NBDY: variants seen among roughly 807,000 people sequenced by gnomAD.
The protein encoded by NBDY is negative regulator of P-body association, also known as P-body dissociating protein.
chrX:56,786,569 C>G (rs970904650), intron 2 of NBDY, among the ~76,000 whole-genome samples: 2 of 110,245 alleles, frequency 1.8e-5, no homozygotes, highest in Non-Finnish European at 3.8e-5. Context: ...TTCTCCTTCT[C>G]CTCCTCCTTC....
At chrX:56,739,238 G>GTATGTATATA (rs2069515759) in intron 2 of NBDY, among the ~76,000 whole-genome samples, 1 of 59,632 alleles carries the variant, frequency 1.7e-5, no homozygotes, top group Non-Finnish European at 2.9e-5. Context: ...GTTTGTGTGT[G>GTATGTATATA]TATATATATA....
intron 2 of NBDY, among the ~76,000 whole-genome samples, chrX:56,781,258 C>T (rs1365617654): frequency 1.8e-5 from 2 of 111,846 alleles, no homozygotes; most frequent in Non-Finnish European, 3.8e-5. Flanking sequence ...CAACTGTTTC[C>T]CGTCATCTAA....
intron 2 of NBDY, among the ~76,000 whole-genome samples, chrX:56,786,860 A>G (rs2069732022): frequency 9.0e-6 from 1 of 111,220 alleles, no homozygotes; most frequent in Admixed American, 9.6e-5. Context: ...TTCTTAAAGG[A>G]GCACAGATTG....
chrX:56,813,225 G>A (rs1164921132), intron 2 of NBDY, among the ~76,000 whole-genome samples: 2 of 111,350 alleles, frequency 1.8e-5, no homozygotes, highest in East Asian at 2.8e-4. Context: ...TAAGTGAAAT[G>A]TCATCGTGAA....
intron 2 of NBDY, among the ~76,000 whole-genome samples, chrX:56,809,661 A>T (rs780011168): frequency 2.7e-5 from 3 of 111,519 alleles, no homozygotes; most frequent in African/African-American, 9.8e-5. Context: ...TGCATGTGGG[A>T]TGGGTCTCCT....
chrX:56,766,757 C>T (rs2069667919), intron 2 of NBDY, among the ~76,000 whole-genome samples: 1 of 111,887 alleles, frequency 8.9e-6, no homozygotes, highest in Non-Finnish European at 1.9e-5. Context: ...ACTGGAGCAT[C>T]CTGGGTCAAG....
At chrX:56,783,091 T>C (rs1024561064) in intron 2 of NBDY, among the ~76,000 whole-genome samples, 4 of 112,714 alleles carry the variant, frequency 3.5e-5, no homozygotes, top group African/African-American at 1.3e-4. Context: ...GCCCACAATG[T>C]CTTCCACTCG....
At chrX:56,787,778 T>G (rs1202360388) in intron 2 of NBDY, among the ~76,000 whole-genome samples, 2 of 112,340 alleles carry the variant, frequency 1.8e-5, no homozygotes, top group African/African-American at 3.2e-5. Context: ...AGTGAGGTGT[T>G]GAGTGTCCCC....
intron 2 of NBDY, among the ~76,000 whole-genome samples, chrX:56,812,169 A>G (rs1368753087): frequency 9.3e-6 from 1 of 107,262 alleles, no homozygotes; most frequent in Non-Finnish European, 1.9e-5. Context: ...TCTCGCTGGG[A>G]GCTGCAGACT....
At chrX:56,814,798 C>A (rs1218256088) in intron 2 of NBDY, among the ~76,000 whole-genome samples, 2 of 111,190 alleles carry the variant, frequency 1.8e-5, no homozygotes, top group African/African-American at 6.5e-5. Flanking sequence ...TGGTGAACCA[C>A]ATCTTCTCTT....
chrX:56,745,887 C>T (rs1320324441), intron 2 of NBDY, among the ~76,000 whole-genome samples: 1 of 111,291 alleles, frequency 9.0e-6, no homozygotes, highest in Non-Finnish European at 1.9e-5. Flanking sequence ...GATGTTCTGT[C>T]CTTCTTAGGC....
At chrX:56,786,128 G>C (rs972681149) in intron 2 of NBDY, among the ~76,000 whole-genome samples, 7 of 109,692 alleles carry the variant, frequency 6.4e-5, no homozygotes, top group Admixed American at 1.9e-4. Flanking sequence ...TTTTTTTTTG[G>C]AGGTGGGGTA....
At chrX:56,810,008 A>C (rs1318746002) in intron 2 of NBDY, among the ~76,000 whole-genome samples, 1 of 111,533 alleles carries the variant, frequency 9.0e-6, no homozygotes, top group Admixed American at 9.5e-5. Flanking sequence ...TCCTTTGCCT[A>C]TGAAACTTAG....
intron 2 of NBDY, among the ~76,000 whole-genome samples, chrX:56,782,326 T>C (rs1249972111): frequency 9.0e-6 from 1 of 111,065 alleles, no homozygotes; most frequent in East Asian, 2.8e-4. Flanking sequence ...CCTTCTTCTT[T>C]CCTTCTCCTC....
At chrX:56,732,692 C>T (rs2069465619) in intron 2 of NBDY, among the ~76,000 whole-genome samples, 1 of 111,552 alleles carries the variant, frequency 9.0e-6, no homozygotes, top group African/African-American at 3.3e-5. Context: ...TTATTTTGTT[C>T]CTAAATTCTA....
chrX:56,784,135 A>G (rs1489047766), intron 2 of NBDY, among the ~76,000 whole-genome samples: 1 of 112,321 alleles, frequency 8.9e-6, no homozygotes, highest in Non-Finnish European at 1.9e-5. Context: ...AGGCTGCTGC[A>G]GATTTCTCTA....
intron 2 of NBDY, among the ~76,000 whole-genome samples, chrX:56,765,784 C>T (rs767147780): frequency 1.8e-5 from 2 of 110,233 alleles, no homozygotes; most frequent in East Asian, 5.7e-4. Context: ...TCCTTCTACT[C>T]CTCCTCCCCC....
chrX:56,755,859 C>A (rs2069608128), intron 2 of NBDY, among the ~76,000 whole-genome samples: 1 of 105,972 alleles, frequency 9.4e-6, no homozygotes, highest in Non-Finnish European at 1.9e-5. Flanking sequence ...TATTGCGGCA[C>A]TATTCACAAT....
chrX:56,788,085 G>A (rs1160272060), intron 2 of NBDY, among the ~76,000 whole-genome samples: 1 of 112,297 alleles, frequency 8.9e-6, no homozygotes, highest in East Asian at 2.8e-4. Flanking sequence ...AACCTAGAGA[G>A]GACCAAAGGA....
Sources: gnomAD v4.1 joint callset for allele counts (sites outside exome capture counted in the v4.1 genomes callset) on GRCh38, gnomAD v4.1.1 for gene constraint, MANE v1.5 for transcripts, NCBI Gene and HGNC (gene_info 2026-07-23, HGNC 2026-07-21) for gene names.